Variants in HNRNPU observed in about 807,000 individuals in gnomAD.
HNRNPU encodes the protein HNRNPU antisense RNA 1.
In HNRNPU, 5 loss-of-function variants were observed where a neutral mutation model predicts 94.7. The ratio of observed to expected loss-of-function variants is 0.05; its 90% CI spans 0.03 to 0.11. The LOEUF is 0.11. HNRNPU is among the 10% of genes least tolerant of loss of function. The pLI is 1.00. For missense variants in HNRNPU, 710 were observed against 1,049.2 expected (o/e 0.68, Z 4.47); for synonymous variants, 434 against 381.6 (o/e 1.14, Z -1.60).
In HNRNPU at chr1:244,850,519, AC is replaced by A. The variant is rs1680515034; in HGVS notation, c.*3930del. 7.3e-6 allele frequency: 1 copy of A among 136,178 alleles called. No homozygotes were observed. Among genetic ancestry groups the A allele is most frequent in the Non-Finnish European group, 1.5e-5 (1 of 65,392 alleles). The allele number at this position is 136,178 out of a possible 1,614,324, so 8.4% of individuals were successfully genotyped here. A position where few individuals can be genotyped will look rare whatever the true frequency, so the allele number is the denominator to read the frequency against. ...CTTTAATAAAGGCACTGCAGCGTTA[AC>A]TAAGTTTTAGGGTAAATTTAGGCAA... On this transcript the variant is annotated 3_prime_UTR_variant, in exon 14 of 14. Transcript: ENST00000640218.
In HNRNPU at chr1:244,850,543, C is replaced by G. The variant is rs1680520112; in HGVS notation, c.*3907G>C. 1 of 133,368 alleles carries G rather than the reference C, an allele frequency of 7.5e-6. No individual in the cohort carries two copies. The highest frequency in any genetic ancestry group is 2.7e-5 in the African/African-American group (1 of 36,610). 8.3% of individuals were successfully genotyped at this position (133,368 alleles called of 1,614,324 possible). On this transcript the variant is annotated 3_prime_UTR_variant, in exon 14 of 14. Transcript: ENST00000640218. ...AACTAAGTTTTAGGGTAAATTTAGGCAATTAACAATTCGAAGAGACTTGTG... is the reference window on the plus strand; with the variant it reads ...AACTAAGTTTTAGGGTAAATTTAGGGAATTAACAATTCGAAGAGACTTGTG...
intron 5 of HNRNPU, 28 bp from the exon 6 acceptor site, chr1:244,858,869 T>C (rs1214543414): frequency 7.4e-6 from 8 of 1,079,562 alleles, no homozygotes; most frequent in East Asian, 2.4e-5. Context: ...CTTCATGAAG[T>C]AGATGTTTAA....
At chr1:244,857,018 A>C (rs1366990335) in intron 8 of HNRNPU, 162 bp from the exon 9 acceptor site, 12 of 600,106 alleles carry the variant, frequency 2.0e-5, no homozygotes, top group Admixed American at 3.4e-5. Context: ...TAAACTATGT[A>C]ACAAGACCTT....
At chr1:244,862,913 A>G (rs1347192987) in intron 1 of HNRNPU, 183 bp from the exon 2 acceptor site, 3 of 619,206 alleles carry the variant, frequency 4.8e-6, no homozygotes, top group African/African-American at 1.9e-5. Flanking sequence ...GACGCAGTCT[A>G]AAGACATTAC....
rs1680529711 is a variant in HNRNPU, at chr1:244,850,893, T to A, written c.*3557A>T. 1 of 152,204 alleles carries A rather than the reference T, an allele frequency of 6.6e-6. No homozygotes were observed. The highest frequency in any genetic ancestry group is 6.5e-5 in the Admixed American group (1 of 15,286). The allele number at this position is 152,204 out of a possible 1,614,324, so 9.4% of individuals were successfully genotyped here. ...AAATGGCTTCAGATGCAGTATTGTG[T>A]TCATCTTTCCAGGGGAACATCTCAA... On this transcript the variant is annotated 3_prime_UTR_variant, in exon 14 of 14. Coordinates refer to ENST00000640218, the MANE Select transcript of HNRNPU (RefSeq NM_031844.3).
rs1448881929 is a variant in HNRNPU, at chr1:244,859,314, G to A, written c.1078C>T (p.Arg360Cys). Residue 360 changes from arginine to cysteine, a missense_variant, in exon 5 of 14, where the codon CGT becomes TGT. By Grantham distance (180) the Arg-to-Cys change is radical. Transcript: ENST00000640218. ...YTKDIDIHEV[R>C]IGWSLTTSGM... ...CTTGTAGTTAGTGACCAGCCAATACGAACTTCATGTATGTCAATATCTTTT... is the reference window on the plus strand; with the variant it reads ...CTTGTAGTTAGTGACCAGCCAATACAAACTTCATGTATGTCAATATCTTTT... The A allele has an allele frequency of 6.2e-7, 1 of 1,600,762 alleles. No individual in the cohort carries two copies. The highest frequency in any genetic ancestry group is 8.6e-7 in the Non-Finnish European group (1 of 1,168,258).
rs758868739 is a variant in HNRNPU at position 244,857,720 on chromosome 1, A to C, written c.1495-3T>G. 2 of 1,611,338 alleles carry C rather than the reference A, an allele frequency of 1.2e-6. No homozygotes were observed. Among genetic ancestry groups the C allele is most frequent in the African/African-American group, 2.7e-5 (2 of 74,752 alleles). ...GGCAAGCCAATCATCATCACAACCT[A>C]GTGAAAAGAAAAGAAATGTCATTTC... On this transcript the variant is annotated splice_polypyrimidine_tract_variant and splice_region_variant and intron_variant, in intron 7 of 13. Coordinates refer to ENST00000640218, the MANE Select transcript of HNRNPU (RefSeq NM_031844.3).
At chr1:244,855,665 G>A (rs888940293) in intron 11 of HNRNPU, 57 bp from the exon 12 acceptor site, 8 of 1,541,048 alleles carry the variant, frequency 5.2e-6, no homozygotes, top group Non-Finnish European at 7.1e-6. Context: ...TTATACAGAA[G>A]ACTTAGGATT....
chr1:244,862,412 AAAC>A (rs1219312203), intron 3 of HNRNPU, 46 bp downstream of exon 3: 3 of 1,307,934 alleles, frequency 2.3e-6, no homozygotes, highest in Non-Finnish European at 3.2e-6. Flanking sequence ...AAAAAAAAAA[AAAC>A]CACCATCACC....
rs200174361 is a variant in HNRNPU at position 244,858,790 on chromosome 1, T to C, written c.1169A>G (p.Asn390Ser). The C allele has an allele frequency of 5.0e-6, 8 of 1,593,670 alleles. No individual in the cohort carries two copies. The highest frequency in any genetic ancestry group is 2.2e-5 in the East Asian group (1 of 44,712). The change falls in exon 6 of 14, where the codon AAC becomes AGC. Residue 390 changes from asparagine (N) to serine (S), a missense_variant. Physicochemically the swap from Asn to Ser is conservative, Grantham distance 46. Around this residue, in one of 8 missense-constraint regions of HNRNPU, gnomAD observed 150 missense variants for 187.9 expected, o/e 0.80. Coordinates refer to ENST00000640218, the MANE Select transcript of HNRNPU (RefSeq NM_031844.3). The part of the protein sequence containing the change: ...GYSLKGIKTC[N>S]CETEDYGEKF... ...TTCTCCATAATCTTCAGTCTCACAG[T>C]TGCATGTTTTTATTCCTTTTAGAGA...
chr1:244,863,974 C>T lies in HNRNPU; in HGVS notation c.334G>A (p.Ala112Thr), dbSNP rs1166595391. 2 of 1,613,664 alleles carry T rather than the reference C, an allele frequency of 1.2e-6. No homozygotes were observed. Among genetic ancestry groups the T allele is most frequent in the Non-Finnish European group, 1.7e-6 (2 of 1,179,928 alleles). The change falls in exon 1 of 14, where the codon GCC becomes ACC. Residue 112 changes from alanine (A) to threonine (T), a missense_variant. Physicochemically the swap from Ala to Thr is moderately conservative, Grantham distance 58. Transcript: ENST00000640218. ...GGGCCCGAGTCGGCCGCCCCCGCGG[C>T]CCCGTTCTCCTCTCCTAGCTCCATC... ...DQMELGEENGAAGAADSGPME... is the reference protein window; with the variant it reads ...DQMELGEENGTAGAADSGPME...
At position 244,862,606 on chromosome 1, in the gene HNRNPU, G is replaced by A. The variant is rs756320579; in HGVS notation, c.803+13C>T. On this transcript the variant is annotated intron_variant, in intron 2 of 13. Transcript: ENST00000640218. ...GAATAAGGGATGAGTAAAACTAGGT[G>A]AGCATCCTATACCTGCTATACTTGT... The A allele has an allele frequency of 6.2e-6, 10 of 1,603,982 alleles. No individual in the cohort carries two copies. Among genetic ancestry groups the A allele is most frequent in the Middle Eastern group, 1.7e-4 (1 of 6,048 alleles).
rs1680567597 is a variant in HNRNPU at position 244,852,293 on chromosome 1, A to AC, written c.*2156_*2157insG. 6.6e-6 allele frequency: 1 copy of AC among 152,140 alleles called. No homozygotes were observed. Among genetic ancestry groups the AC allele is most frequent in the Non-Finnish European group, 1.5e-5 (1 of 68,004 alleles). 9.4% of individuals were successfully genotyped at this position (152,140 alleles called of 1,614,324 possible). A position where few individuals can be genotyped will look rare whatever the true frequency, so the allele number is the denominator to read the frequency against. ...AGATTTTAACATTTTTCTGGGTGCC[A>AC]TTTTTATCTATTCTCTCTCCCCCCA... is the stretch of plus-strand genomic sequence containing the variant. On this transcript the variant is annotated 3_prime_UTR_variant, in exon 14 of 14. Coordinates refer to ENST00000640218, the MANE Select transcript of HNRNPU (RefSeq NM_031844.3).
Position 244,855,945 on chromosome 1 carries a change from C to T in HNRNPU, c.2126G>A (p.Arg709His), listed in dbSNP as rs745487292. The change falls in exon 11 of 14, where the codon CGT (arginine) becomes CAT (histidine). Residue 709 changes from arginine to histidine, a missense_variant. Transcript: ENST00000640218. ...QFNRGGGHRGRGGFNMRGGNF... is the reference protein window; with the variant it reads ...QFNRGGGHRGHGGFNMRGGNF... ...TCCACCACGCATATTGAATCCTCCA[C>T]GTCCTCTATGGCCACCACCTCTGTT... is the stretch of plus-strand genomic sequence containing the variant. The T allele has an allele frequency of 1.2e-6, 2 of 1,614,132 alleles. No individual in the cohort carries two copies. Among genetic ancestry groups the T allele is most frequent in the African/African-American group, 1.3e-5 (1 of 75,060 alleles).
chr1:244,862,943 G>A, intron 1 of HNRNPU: 1 of 583,978 alleles, frequency 1.7e-6, no homozygotes, highest in South Asian at 2.1e-5. Flanking sequence ...CAGTCTCCTC[G>A]ATGATTCGAG....
intron 12 of HNRNPU, 82 bp downstream of exon 12, chr1:244,855,342 A>T: frequency 7.6e-7 from 1 of 1,313,132 alleles, no homozygotes; most frequent in East Asian, 2.3e-5. Context: ...ACGGATTACT[A>T]AGACACCCCA....
chr1:244,857,462 G>A (rs1426719589), intron 8 of HNRNPU, 136 bp downstream of exon 8: 3 of 855,722 alleles, frequency 3.5e-6, no homozygotes, highest in African/African-American at 3.5e-5. Flanking sequence ...GGCCAGGTGG[G>A]TCTCAAACTC....
In HNRNPU at chr1:244,850,938, T is replaced by G. The variant is rs908131410; in HGVS notation, c.*3512A>C. 8 of 152,108 alleles carry G rather than the reference T, an allele frequency of 5.3e-5. No homozygotes were observed. Among genetic ancestry groups the G allele is most frequent in the Non-Finnish European group, 1.2e-4 (8 of 68,022 alleles). 9.4% of individuals were successfully genotyped at this position (152,108 alleles called of 1,614,324 possible). On this transcript the variant is annotated 3_prime_UTR_variant, in exon 14 of 14. Transcript: ENST00000640218. ...TCTCAAATGGGTATTCTGAAGCAGG[T>G]TGAGAAGTAGATAAAATTCTCTGCT...
Position 244,856,165 on chromosome 1 carries a change from G to A in HNRNPU, c.1913-7C>T, listed in dbSNP as rs746741412. ...TCTGGGAGGGTAAAGTTTCCTGCAG[G>A]AAACAAAGTCATATTATTAATTTAG... is the stretch of plus-strand genomic sequence containing the variant. On this transcript the variant is annotated splice_region_variant and splice_polypyrimidine_tract_variant and intron_variant, in intron 10 of 13. Transcript: ENST00000640218. 7.5e-6 allele frequency: 12 copies of A among 1,596,524 alleles called. No individual in the cohort carries two copies. The highest frequency in any genetic ancestry group is 1.0e-5 in the Non-Finnish European group (12 of 1,174,348).
Sources: allele counts gnomAD v4.1 joint callset, GRCh38; gene constraint gnomAD v4.1.1; regional missense constraint gnomAD v4.1.1; transcripts MANE v1.5; gene names NCBI Gene and HGNC (gene_info 2026-07-23, HGNC 2026-07-21).